The following GNA14 variants were observed in gnomAD, a reference collection of about 807,000 sequenced individuals.
The protein encoded by GNA14 is G protein subunit alpha 14, also known as guanine nucleotide-binding protein subunit alpha-14.
Under a neutral mutation model 42.0 loss-of-function variants are expected in GNA14, and 50 were observed. That is an observed-to-expected ratio of 1.19 (90% confidence interval 0.95 to 1.51). GNA14 has a LOEUF of 1.51. GNA14 is among the 40% of genes most tolerant of loss of function. GNA14 has a pLI of 0.00. For missense variants in GNA14, 473 were observed against 446.2 expected (o/e 1.06, Z -0.54); for synonymous variants, 173 against 163.1 (o/e 1.06, Z -0.46).
chr9:77,475,459 T>G (rs1488753463), intron 2 of GNA14, among the ~76,000 whole-genome samples: 2 of 152,150 alleles, frequency 1.3e-5, no homozygotes, highest in African/African-American at 4.8e-5. Flanking sequence ...TTACCTAAAA[T>G]GTATCCTGGG....
At chr9:77,575,008 T>C (rs546399480) in intron 1 of GNA14, among the ~76,000 whole-genome samples, 375 of 152,294 alleles carry the variant, frequency 2.5e-3, no homozygotes, top group African/African-American at 5.1e-3. Context: ...GGGAAGTAAA[T>C]AAGGTTGCCA....
rs1415114725 is a variant in GNA14 at position 77,428,928 on chromosome 9, G to T, written c.702C>A (p.Val234=). The change falls in exon 5 of 7, where the codon GTC becomes GTA. Residue 234 remains valine, a synonymous_variant. Transcript: ENST00000341700. The part of the protein sequence containing the change: ...FLVALSEYDQ[V]LAECDNENRM... ...ATACCTCGTTGTCACACTCAGCCAG[G>T]ACCTGGTCATATTCACTCAGAGCAA... The T allele has an allele frequency of 2.8e-5, 45 of 1,613,772 alleles. No homozygotes were observed. The highest frequency in any genetic ancestry group is 3.4e-5 in the Non-Finnish European group (40 of 1,179,916).
At chr9:77,449,283 T>C (rs1412304107) in intron 2 of GNA14, among the ~76,000 whole-genome samples, 1 of 152,206 alleles carries the variant, frequency 6.6e-6, no homozygotes, top group Non-Finnish European at 1.5e-5. Flanking sequence ...AATGATGAAA[T>C]CACCTAACTT....
chr9:77,460,864 T>C (rs948582541), intron 2 of GNA14, among the ~76,000 whole-genome samples: 2 of 152,174 alleles, frequency 1.3e-5, no homozygotes, highest in South Asian at 2.1e-4. Flanking sequence ...TTGACTTTGT[T>C]TTTTTGTAAA....
intron 2 of GNA14, among the ~76,000 whole-genome samples, chr9:77,514,325 C>A (rs1360203295): frequency 1.3e-5 from 2 of 152,124 alleles, no homozygotes; most frequent in African/African-American, 4.8e-5. Flanking sequence ...ATACTACCAC[C>A]TAGATGAATC....
In GNA14 at chr9:77,425,551, T is replaced by A; in HGVS notation, c.877+11A>T. ...AGCACAGAAAACACTGTCCACAAGA[T>A]AGACACTTACCTGTGTATTCTGGGA... On this transcript the variant is annotated intron_variant, in intron 6 of 6. Transcript: ENST00000341700. The A allele has an allele frequency of 6.3e-7, 1 of 1,590,884 alleles. No individual in the cohort carries two copies. Among genetic ancestry groups the A allele is most frequent in the Non-Finnish European group, 8.6e-7 (1 of 1,165,626 alleles).
intron 2 of GNA14, among the ~76,000 whole-genome samples, chr9:77,484,359 T>G (rs568904881): frequency 4.9e-4 from 74 of 152,242 alleles, no homozygotes; most frequent in African/African-American, 1.8e-3. Flanking sequence ...TGGAAAAAAT[T>G]AAAACGTGTT....
intron 1 of GNA14, among the ~76,000 whole-genome samples, chr9:77,569,791 G>T (rs1470330803): frequency 6.6e-6 from 1 of 151,204 alleles, no homozygotes; most frequent in Non-Finnish European, 1.5e-5. Flanking sequence ...TTTTAAGACG[G>T]AGTTTCGCTC....
chr9:77,529,727 G>A (rs1034577278), intron 1 of GNA14, among the ~76,000 whole-genome samples: 1 of 152,160 alleles, frequency 6.6e-6, no homozygotes, highest in Non-Finnish European at 1.5e-5. Context: ...AAATGTCTAT[G>A]TGCTTGCTTC....
intron 1 of GNA14, among the ~76,000 whole-genome samples, chr9:77,617,071 C>G (rs1025191484): frequency 8.6e-5 from 13 of 151,942 alleles, no homozygotes; most frequent in African/African-American, 3.1e-4. Context: ...AGGGTTTCAC[C>G]ATGTTAGCCA....
chr9:77,424,382 A>C (rs1349559600), intron 6 of GNA14, among the ~76,000 whole-genome samples: 1 of 151,968 alleles, frequency 6.6e-6, no homozygotes, highest in East Asian at 1.9e-4. Context: ...ACCACCACAC[A>C]CAGCTAATTT....
At chr9:77,454,145 C>T (rs1835959706) in intron 2 of GNA14, among the ~76,000 whole-genome samples, 1 of 152,194 alleles carries the variant, frequency 6.6e-6, no homozygotes, top group African/African-American at 2.4e-5. Flanking sequence ...CGTAGTTCCA[C>T]CCCACACCCC....
At chr9:77,597,775 T>C (rs1161420963) in intron 1 of GNA14, among the ~76,000 whole-genome samples, 2 of 151,950 alleles carry the variant, frequency 1.3e-5, no homozygotes, top group Non-Finnish European at 2.9e-5. Flanking sequence ...TTAAAAAACT[T>C]TTAGGCCGGG....
At chr9:77,474,962 T>C (rs1296614954) in intron 2 of GNA14, among the ~76,000 whole-genome samples, 1 of 150,842 alleles carries the variant, frequency 6.6e-6, no homozygotes, top group Non-Finnish European at 1.5e-5. Flanking sequence ...CATAGAGACA[T>C]AAACCGGATT....
At chr9:77,640,881 A>C (rs1263699435) in intron 1 of GNA14, among the ~76,000 whole-genome samples, 1 of 148,194 alleles carries the variant, frequency 6.7e-6, no homozygotes, top group Non-Finnish European at 1.5e-5. Flanking sequence ...CAAAAAAAAA[A>C]AAAAAAAAAA....
At chr9:77,503,384 A>G (rs2131744707) in intron 2 of GNA14, among the ~76,000 whole-genome samples, 1 of 152,310 alleles carries the variant, frequency 6.6e-6, no homozygotes, top group African/African-American at 2.4e-5. Context: ...GAGGCACCCA[A>G]TAAATGCTTT....
chr9:77,570,433 C>T (rs1823043131), intron 1 of GNA14, among the ~76,000 whole-genome samples: 1 of 152,188 alleles, frequency 6.6e-6, no homozygotes, highest in African/African-American at 2.4e-5. Flanking sequence ...CACTAATCTA[C>T]TTTGTCTCTT....
At chr9:77,471,892 T>G (rs1836336662) in intron 2 of GNA14, among the ~76,000 whole-genome samples, 1 of 152,106 alleles carries the variant, frequency 6.6e-6, no homozygotes, top group Non-Finnish European at 1.5e-5. Flanking sequence ...TATGAGCAGG[T>G]ATAAACAAAT....
chr9:77,533,587 C>T (rs1236726190), intron 1 of GNA14, among the ~76,000 whole-genome samples: 1 of 152,212 alleles, frequency 6.6e-6, no homozygotes, highest in African/African-American at 2.4e-5. Context: ...GCCAGTAATA[C>T]ATTCACTAGA....
Sources: gnomAD v4.1 joint callset for allele counts (sites outside exome capture counted in the v4.1 genomes callset) on GRCh38, gnomAD v4.1.1 for gene constraint, MANE v1.5 for transcripts, NCBI Gene and HGNC (gene_info 2026-07-23, HGNC 2026-07-21) for gene names.